PTPN21: variants seen among roughly 807,000 people sequenced by gnomAD.
The protein encoded by PTPN21 is protein tyrosine phosphatase non-receptor type 21, also known as tyrosine-protein phosphatase non-receptor type 21.
A neutral mutation model predicts 131.8 loss-of-function variants in PTPN21; 77 were observed. That is an observed-to-expected ratio of 0.58 (90% CI 0.49 to 0.71). The LOEUF (loss-of-function observed/expected upper bound fraction) is 0.71. PTPN21 is among the 30% of genes least tolerant of loss of function. PTPN21 has a pLI of 0.00. For synonymous variants in PTPN21, 715 were observed against 621.3 expected, an observed-to-expected ratio of 1.15 and a Z score of -2.24; for missense variants, 1,552 against 1,527.1, an observed-to-expected ratio of 1.02 and a Z score of -0.27.
In PTPN21 at chr14:88,550,235, T is replaced by C. The variant is rs1387760466; in HGVS notation, c.180+3A>G. The C allele has an allele frequency of 6.2e-7, 1 of 1,612,608 alleles. No homozygotes were observed. The highest frequency in any genetic ancestry group is 8.5e-7 in the Non-Finnish European group (1 of 1,179,458). On this transcript the variant is annotated splice_donor_region_variant and intron_variant, in intron 2 of 18. Transcript: ENST00000556564. ...TGGCCTGCAGTGTCTTTAGGTGGCT[T>C]ACCTCCCGCAGCTCCAGCCTCTGGG...
At position 88,469,522 on chromosome 14, in the gene PTPN21, G is replaced by A. The variant is rs1234712150; in HGVS notation, c.3212C>T (p.Pro1071Leu). ...QYTDWPEHGC[P>L]EDLKGFLSYL... ...ACATAAAAATCCCTTGAGGTCTTCT[G>A]GACAGCCATGTTCAGGCCAGTCTGT... Residue 1071 changes from proline (P) to leucine (L), a missense_variant, in exon 17 of 19, where the codon CCA becomes CTA. Pro to Leu is a moderately conservative substitution (Grantham distance 98). This residue lies in a region of PTPN21 where 316 missense variants were observed against 378.5 expected (regional missense o/e 0.83). Transcript: ENST00000556564. The surrounding 1 kb of genome is among the most constrained non-coding windows in gnomAD (Gnocchi z 4.3). 1 of 1,613,914 alleles carries A rather than the reference G, an allele frequency of 6.2e-7. No homozygotes were observed.
Position 88,550,612 on chromosome 14 carries a change from C to T in PTPN21, c.-195G>A. 1.8e-6 allele frequency: 1 copy of T among 549,956 alleles called. No homozygotes were observed. The highest frequency in any genetic ancestry group is 3.2e-6 in the Non-Finnish European group (1 of 315,610). 34.1% of individuals were successfully genotyped at this position (549,956 alleles called of 1,614,324 possible). ...AATGGCCCGAGGAAGGGAGCATTGA[C>T]GCCAGCGCTGGGGAAAGAGGAACGC... On this transcript the variant is annotated 5_prime_UTR_variant, in exon 2 of 19. Transcript: ENST00000556564.
At chr14:88,503,391 T>A in intron 6 of PTPN21, among the ~76,000 whole-genome samples, 1 of 152,168 alleles carries the variant, frequency 6.6e-6, no homozygotes, top group East Asian at 1.9e-4. Flanking sequence ...GAGATAATAA[T>A]GTTTATCTTA....
chr14:88,483,047 C>T lies in PTPN21; in HGVS notation c.1078+2029G>A, dbSNP rs10147851. 7.5e-3 allele frequency among the ~76,000 whole-genome samples: 1,141 copies of T among 151,872 alleles called. 14 individuals carry two copies. Among genetic ancestry groups the T allele is most frequent in the African/African-American group, 0.026 (1,088 of 41,408 alleles). ...CTAACACGGTGAAACCCCGTCTCTA[C>T]TAAAAATACAAAAAATTAGCCGGGC... On this transcript the variant is annotated intron_variant, in intron 12 of 18. Coordinates refer to ENST00000556564, the MANE Select transcript of PTPN21 (RefSeq NM_007039.4).
At chr14:88,523,734 C>T (rs949811217) in intron 2 of PTPN21, among the ~76,000 whole-genome samples, 10 of 151,706 alleles carry the variant, frequency 6.6e-5, no homozygotes, top group African/African-American at 2.4e-4. Flanking sequence ...CACACACACA[C>T]ACACACACAC....
chr14:88,511,061 C>G (rs112671308), intron 3 of PTPN21, among the ~76,000 whole-genome samples: 9,243 of 151,870 alleles, frequency 0.061, 348 homozygotes, highest in African/African-American at 0.11. Flanking sequence ...CACAGGTGTA[C>G]ACCACCACAG....
intron 4 of PTPN21, among the ~76,000 whole-genome samples, chr14:88,506,642 C>A (rs903717127): frequency 6.6e-6 from 1 of 152,092 alleles, no homozygotes; most frequent in East Asian, 1.9e-4. Context: ...AGAAACCAAA[C>A]AAGTGGGAGT....
chr14:88,480,618 A>G (rs1247811973), intron 12 of PTPN21, among the ~76,000 whole-genome samples: 1 of 152,156 alleles, frequency 6.6e-6, no homozygotes, highest in Non-Finnish European at 1.5e-5. Flanking sequence ...CCACACCCAC[A>G]GCAGACTAGC....
At chr14:88,512,192 C>T (rs1368382716) in intron 3 of PTPN21, 1 of 152,238 alleles carries the variant, frequency 6.6e-6, no homozygotes, top group African/African-American at 2.4e-5. Context: ...CAGCAAATCC[C>T]AGACATCGTG....
chr14:88,526,500 G>A (rs1423290962), intron 2 of PTPN21, among the ~76,000 whole-genome samples: 2 of 119,256 alleles, frequency 1.7e-5, no homozygotes, highest in Non-Finnish European at 3.2e-5. Context: ...CAGTGAGCCA[G>A]GATCACACCA....
Position 88,479,097 on chromosome 14 carries a change from G to T in PTPN21, c.2334C>A (p.Arg778=), listed in dbSNP as rs771761080. The T allele has an allele frequency of 6.3e-7, 1 of 1,577,290 alleles. No homozygotes were observed. Among genetic ancestry groups the T allele is most frequent in the South Asian group, 1.2e-5 (1 of 86,194 alleles). Residue 778 remains arginine, a synonymous_variant, in exon 13 of 19, where the codon CGC becomes CGA. Transcript: ENST00000556564. ...AGGGCCGCTGGGCCTCTGCGGTCGT[G>T]CGGACGGGGCTGCTGTCCATCATCC... ...EKRMMDSSPV[R]TTAEAQRPWR... is the part of the protein sequence containing the mutation.
chr14:88,470,137 GTT>G, intron 15 of PTPN21, 87 bp from the exon 16 acceptor site: 38 of 1,398,180 alleles, frequency 2.7e-5, no homozygotes, highest in Non-Finnish European at 3.7e-5. Flanking sequence ...TACTAAAAAA[GTT>G]TTTTTAAAAA....
At position 88,517,281 on chromosome 14, in the gene PTPN21, T is replaced by A; in HGVS notation, c.181-20A>T. 6.2e-7 allele frequency: 1 copy of A among 1,611,464 alleles called. No individual in the cohort carries two copies. ...AGTGACCTGGAAAGACAGAAGGTCA[T>A]TGAAGGAGGCAATAACATACAAAAG... On this transcript the variant is annotated intron_variant, in intron 2 of 18. Coordinates refer to ENST00000556564, the MANE Select transcript of PTPN21 (RefSeq NM_007039.4).
At chr14:88,470,163 AAAG>A (rs1248319998) in intron 15 of PTPN21, 113 bp from the exon 16 acceptor site, 1 of 967,576 alleles carries the variant, frequency 1.0e-6, no homozygotes, top group African/African-American at 1.7e-5. Flanking sequence ...AAAAAGTAAA[AAAG>A]TAGTAAACTG....
chr14:88,541,880 C>G (rs2078711211), intron 2 of PTPN21, among the ~76,000 whole-genome samples: 1 of 152,192 alleles, frequency 6.6e-6, no homozygotes, highest in Non-Finnish European at 1.5e-5. Context: ...AAGAAAGATC[C>G]TGCTCTGTGA....
intron 2 of PTPN21, 68 bp from the exon 3 acceptor site, chr14:88,517,329 C>A (rs4904452): frequency 0.62 from 953,933 of 1,530,010 alleles, 307,209 homozygotes; most frequent in Admixed American, 0.72. Context: ...TTCAGTCGCA[C>A]TAATCCCTGA....
chr14:88,545,706 T>C (rs990060845), intron 2 of PTPN21, among the ~76,000 whole-genome samples: 3 of 152,248 alleles, frequency 2.0e-5, no homozygotes, highest in East Asian at 1.9e-4. Flanking sequence ...CTCACGCCTG[T>C]AATCCCAGCA....
At chr14:88,475,702 G>A (rs2077539352) in intron 13 of PTPN21, among the ~76,000 whole-genome samples, 1 of 152,196 alleles carries the variant, frequency 6.6e-6, no homozygotes. Context: ...TCCCATCACA[G>A]CCAATTTCAA....
chr14:88,520,410 T>TAA (rs67513989), intron 2 of PTPN21, among the ~76,000 whole-genome samples: 10 of 146,978 alleles, frequency 6.8e-5, no homozygotes, highest in East Asian at 2.0e-4. Flanking sequence ...GACTCTGCCT[T>TAA]AAAAAAAAAA....
Sources: allele counts gnomAD v4.1 joint callset (sites outside exome capture counted in the v4.1 genomes callset), GRCh38; gene constraint gnomAD v4.1.1; regional missense constraint gnomAD v4.1.1; non-coding constraint Gnocchi (gnomAD v3.1); transcripts MANE v1.5; gene names NCBI Gene and HGNC (gene_info 2026-07-23, HGNC 2026-07-21).